The following MAML2 variants were observed in gnomAD, a reference collection of about 807,000 sequenced individuals.
MAML2 encodes the protein mastermind-like protein 2.
In MAML2, 22 loss-of-function variants were observed where a neutral mutation model predicts 96.1. The observed-to-expected ratio is 0.23, with a 90% confidence interval of 0.16 to 0.33. MAML2 has a LOEUF of 0.33. Ranked by LOEUF, MAML2 falls within the 10% of genes least tolerant of loss-of-function variation. MAML2 has a pLI of 1.00. For synonymous variants in MAML2, 561 were observed against 521.3 expected, an observed-to-expected ratio of 1.08 and a Z score of -1.04; for missense variants, 1,367 against 1,392.4, an observed-to-expected ratio of 0.98 and a Z score of 0.29.
intron 1 of MAML2, among the ~76,000 whole-genome samples, chr11:96,192,186 T>C (rs1284266008): frequency 6.6e-6 from 1 of 152,146 alleles, no homozygotes; most frequent in Non-Finnish European, 1.5e-5. Flanking sequence ...AAAACAGGGC[T>C]GGGAACCTGG....
intron 2 of MAML2, among the ~76,000 whole-genome samples, chr11:96,089,800 C>T (rs1021664829): frequency 9.9e-5 from 15 of 151,778 alleles, no homozygotes; most frequent in African/African-American, 3.2e-4. Flanking sequence ...CTCCCTGTAT[C>T]GAAGAGAGGC....
At position 96,038,040 on chromosome 11, in the gene MAML2, T is replaced by C. The variant is rs564528911; in HGVS notation, c.2140-46317A>G. 7.2e-4 allele frequency among the ~76,000 whole-genome samples: 109 copies of C among 152,282 alleles called. 1 individual carries two copies. The South Asian group carries it at 0.022, about 30-fold the overall frequency. On this transcript the variant is annotated intron_variant, in intron 2 of 4. Transcript: ENST00000524717. ...AGAATAACATTGTAATATTCTGGCATCTATATTTTACTCGTAAAATATGAA... is the reference window on the plus strand; with the variant it reads ...AGAATAACATTGTAATATTCTGGCACCTATATTTTACTCGTAAAATATGAA...
At chr11:96,078,289 AATCATGGATAGTACACTGTGTT>A (rs1394262167) in intron 2 of MAML2, among the ~76,000 whole-genome samples, 70 of 152,328 alleles carry the variant, frequency 4.6e-4, no homozygotes, top group East Asian at 5.8e-4. Context: ...ATATTCTAGA[AATCATGGATAGTACACTGTGTT>A]ATCATGGATA....
intron 2 of MAML2, among the ~76,000 whole-genome samples, chr11:96,047,759 A>G (rs1399910170): frequency 3.3e-5 from 5 of 151,850 alleles, no homozygotes; most frequent in African/African-American, 1.2e-4. Flanking sequence ...AAATACAAAA[A>G]TTAGCTGGGC....
chr11:95,998,390 A>G (rs1407016391), intron 2 of MAML2, among the ~76,000 whole-genome samples: 1 of 152,200 alleles, frequency 6.6e-6, no homozygotes, highest in Non-Finnish European at 1.5e-5. Flanking sequence ...AGCAAAGAAA[A>G]TGCTTTGGAC....
chr11:96,013,881 C>A (rs1370756634), intron 2 of MAML2, among the ~76,000 whole-genome samples: 1 of 152,188 alleles, frequency 6.6e-6, no homozygotes, highest in Admixed American at 6.5e-5. Context: ...TTCCTGTACA[C>A]CAAGGCAGGA....
intron 2 of MAML2, among the ~76,000 whole-genome samples, chr11:96,056,795 G>A (rs1940153): frequency 0.47 from 70,827 of 151,920 alleles, 17,640 homozygotes; most frequent in Non-Finnish European, 0.58. Flanking sequence ...GTATGTGTAG[G>A]CTACCATTCA....
At chr11:96,167,206 C>T (rs1273186587) in intron 1 of MAML2, among the ~76,000 whole-genome samples, 1 of 152,184 alleles carries the variant, frequency 6.6e-6, no homozygotes, top group Non-Finnish European at 1.5e-5. Context: ...CTAATCTGGA[C>T]ACTCGCTGCT....
In MAML2 at chr11:96,093,144, T is replaced by G. The variant is rs781134375; in HGVS notation, c.887A>C (p.Asp296Ala). The change falls in exon 2 of 5, where the codon GAC becomes GCC. Residue 296 changes from aspartate to alanine, a missense_variant. Asp to Ala is a moderately radical substitution (Grantham distance 126, BLOSUM62 -2). Coordinates refer to ENST00000524717, the MANE Select transcript of MAML2 (RefSeq NM_032427.4). The part of the protein sequence containing the change: ...ENIFPNRYGD[D>A]PGEQLMDPEL... ...AGGATCCATCAGTTGTTCTCCAGGG[T>G]CGTCTCCGTACCTATTAGGAAAAAT... 1.9e-6 allele frequency: 3 copies of G among 1,614,000 alleles called. No homozygotes were observed. The highest frequency in any genetic ancestry group is 2.5e-6 in the Non-Finnish European group (3 of 1,179,886).
chr11:96,066,893 C>CT (rs1334467907), intron 2 of MAML2, among the ~76,000 whole-genome samples: 1 of 152,200 alleles, frequency 6.6e-6, no homozygotes, highest in Non-Finnish European at 1.5e-5. Flanking sequence ...AGCAAAGACT[C>CT]TGAGATGGGC....
At chr11:96,178,029 A>T (rs1295108429) in intron 1 of MAML2, among the ~76,000 whole-genome samples, 1 of 140,892 alleles carries the variant, frequency 7.1e-6, no homozygotes, top group African/African-American at 2.6e-5. Flanking sequence ...TCTTTAACTT[A>T]AAAAAAAAAT....
intron 2 of MAML2, among the ~76,000 whole-genome samples, chr11:96,068,771 A>G (rs1339999028): frequency 6.6e-6 from 1 of 151,136 alleles, no homozygotes; most frequent in East Asian, 1.9e-4. Context: ...CAGAGCTTGC[A>G]GTGAGCTGAG....
chr11:96,277,866 G>A (rs1863011486), intron 1 of MAML2, among the ~76,000 whole-genome samples: 1 of 151,738 alleles, frequency 6.6e-6, no homozygotes, highest in East Asian at 1.9e-4. Context: ...CAAAATAAAT[G>A]GCCTGGCACA....
intron 1 of MAML2, among the ~76,000 whole-genome samples, chr11:96,265,747 G>A (rs1862816656): frequency 6.6e-6 from 1 of 152,230 alleles, no homozygotes; most frequent in Non-Finnish European, 1.5e-5. Flanking sequence ...CCACTGACGG[G>A]CAAAACAACA....
intron 1 of MAML2, among the ~76,000 whole-genome samples, chr11:96,162,043 G>A (rs1052881660): frequency 6.6e-6 from 1 of 152,032 alleles, no homozygotes; most frequent in Non-Finnish European, 1.5e-5. Context: ...AAATTAAGAA[G>A]CATTTAAATG....
Position 95,977,987 on chromosome 11 carries a change from T to C in MAML2, c.*961A>G. On this transcript the variant is annotated 3_prime_UTR_variant, in exon 5 of 5. Coordinates refer to ENST00000524717, the MANE Select transcript of MAML2 (RefSeq NM_032427.4). ...GTTTTCTTCTCCAAACTTCCTTTTC[T>C]TATAAACCAGCCTCAGTCATCAAAA... The C allele has an allele frequency of 4.5e-6, 1 of 221,720 alleles. No homozygotes were observed. The highest frequency in any genetic ancestry group is 9.0e-6 in the Non-Finnish European group (1 of 110,812). The allele number at this position is 221,720 out of a possible 1,614,324, so 13.7% of individuals were successfully genotyped here.
intron 2 of MAML2, among the ~76,000 whole-genome samples, chr11:96,012,092 G>A (rs1252247146): frequency 6.6e-6 from 1 of 152,116 alleles, no homozygotes; most frequent in Non-Finnish European, 1.5e-5. Context: ...AAATTCAGCT[G>A]AGCCAAACTC....
chr11:96,326,626 C>A (rs1863786411), intron 1 of MAML2, among the ~76,000 whole-genome samples: 1 of 151,934 alleles, frequency 6.6e-6, no homozygotes, highest in African/African-American at 2.4e-5. Flanking sequence ...GAAACCCCGT[C>A]TCTACTGAAA....
chr11:96,215,347 C>G (rs1862032943), intron 1 of MAML2, among the ~76,000 whole-genome samples: 1 of 152,204 alleles, frequency 6.6e-6, no homozygotes, highest in Non-Finnish European at 1.5e-5. Flanking sequence ...GCCTCACGAC[C>G]TCTTTAACAC....
Sources: gnomAD v4.1 joint callset for allele counts (sites outside exome capture counted in the v4.1 genomes callset) on GRCh38, gnomAD v4.1.1 for gene constraint, MANE v1.5 for transcripts, NCBI Gene and HGNC (gene_info 2026-07-23, HGNC 2026-07-21) for gene names.